DMD: variants seen among roughly 807,000 people sequenced by gnomAD.
DMD encodes dystrophin, also known as mutant dystrophin.
In DMD, 63 loss-of-function variants were observed where a neutral mutation model predicts 330.1. That is an observed-to-expected ratio of 0.19 (90% CI 0.16 to 0.24). The LOEUF is 0.24. DMD is among the 10% of genes least tolerant of loss of function. DMD has a pLI of 1.00. For missense variants in DMD, 3,344 were observed against 2,684.1 expected (o/e 1.25, Z -5.43); for synonymous variants, 1,223 against 959.8 (o/e 1.27, Z -5.07).
intron 48 of DMD, among the ~76,000 whole-genome samples, chrX:31,844,148 C>A (rs746638858): frequency 2.3e-4 from 26 of 111,988 alleles, no homozygotes; most frequent in African/African-American, 8.4e-4. Flanking sequence ...CGTGAGCCAC[C>A]GCACCTGGCT....
chrX:32,605,933 G>T (rs5928042), intron 12 of DMD, among the ~76,000 whole-genome samples: 1 of 108,538 alleles, frequency 9.2e-6, no homozygotes. Context: ...GTATTTGTGG[G>T]GTACATGAGA....
At chrX:32,738,012 A>G (rs2068746500) in intron 7 of DMD, among the ~76,000 whole-genome samples, 1 of 111,892 alleles carries the variant, frequency 8.9e-6, no homozygotes, top group South Asian at 3.7e-4. Flanking sequence ...TTGATACCAT[A>G]TAAATTGGGT....
chrX:32,853,672 GCCACAAAACAA>G (rs2081307433), intron 2 of DMD, among the ~76,000 whole-genome samples: 1 of 104,754 alleles, frequency 9.5e-6, no homozygotes, highest in African/African-American at 3.5e-5. Flanking sequence ...GGAAGAGAAA[GCCACAAAACAA>G]CCAGAAAACA....
chrX:31,215,066 C>T (rs2045259622), intron 64 of DMD, among the ~76,000 whole-genome samples: 1 of 103,468 alleles, frequency 9.7e-6, no homozygotes, highest in Non-Finnish European at 2.0e-5. Flanking sequence ...CTCAGACTCC[C>T]GAGTAGCTGG....
At chrX:32,547,342 T>C (rs181553285) in intron 16 of DMD, among the ~76,000 whole-genome samples, 1 of 111,055 alleles carries the variant, frequency 9.0e-6, no homozygotes, top group Non-Finnish European at 1.9e-5. Context: ...TAAAGGGAAA[T>C]GACAACATGA....
At chrX:32,242,192 T>A (rs1210272695) in intron 43 of DMD, among the ~76,000 whole-genome samples, 2 of 112,021 alleles carry the variant, frequency 1.8e-5, no homozygotes, top group Admixed American at 1.9e-4. Flanking sequence ...GTCTGGTGTG[T>A]GGCCTATGTA....
At chrX:31,678,587 T>C (rs993055304) in intron 53 of DMD, among the ~76,000 whole-genome samples, 12 of 111,421 alleles carry the variant, frequency 1.1e-4, no homozygotes, top group African/African-American at 3.6e-4. Flanking sequence ...TTTGAGGAAA[T>C]TTCAGAGGAA....
intron 12 of DMD, among the ~76,000 whole-genome samples, chrX:32,603,322 G>A (rs1002482560): frequency 1.8e-5 from 2 of 111,115 alleles, no homozygotes; most frequent in African/African-American, 6.5e-5. Flanking sequence ...AATAAAAAGA[G>A]ACATACAACA....
At chrX:32,210,580 G>A (rs1214766823) in intron 44 of DMD, among the ~76,000 whole-genome samples, 1 of 111,590 alleles carries the variant, frequency 9.0e-6, no homozygotes, top group Non-Finnish European at 1.9e-5. Flanking sequence ...TACATCATAT[G>A]CCTTTTTCTA....
intron 11 of DMD, among the ~76,000 whole-genome samples, chrX:32,621,358 G>A (rs2057973906): frequency 9.0e-6 from 1 of 111,336 alleles, no homozygotes; most frequent in Admixed American, 9.5e-5. Context: ...GAGATTTCTT[G>A]AGCTCTGCCC....
At chrX:33,237,712 T>G (rs1029812053) in intron 1 of DMD, among the ~76,000 whole-genome samples, 1 of 112,313 alleles carries the variant, frequency 8.9e-6, no homozygotes, top group Non-Finnish European at 1.9e-5. Context: ...AAAACCTTAC[T>G]GTTCTCATTT....
intron 43 of DMD, among the ~76,000 whole-genome samples, chrX:32,243,363 A>G (rs902508239): frequency 8.9e-6 from 1 of 111,846 alleles, no homozygotes; most frequent in Non-Finnish European, 1.9e-5. Context: ...AACCTAAGGA[A>G]CAAACTCTCC....
At chrX:32,625,303 G>C (rs1348493960) in intron 11 of DMD, among the ~76,000 whole-genome samples, 1 of 111,988 alleles carries the variant, frequency 8.9e-6, no homozygotes, top group East Asian at 2.8e-4. Flanking sequence ...AGTCAGGTGG[G>C]AATAATGAAC....
chrX:32,984,521 C>A (rs1345504223), intron 2 of DMD, among the ~76,000 whole-genome samples: 1 of 111,782 alleles, frequency 8.9e-6, no homozygotes, highest in Admixed American at 9.5e-5. Context: ...GCCCAAAGTG[C>A]TGGGATTGTA....
At chrX:32,758,576 T>G (rs904749916) in intron 7 of DMD, among the ~76,000 whole-genome samples, 3 of 111,563 alleles carry the variant, frequency 2.7e-5, no homozygotes, top group African/African-American at 9.8e-5. Context: ...CCAAGACTCT[T>G]GAGTTCCTGT....
At chrX:32,504,865 T>G (rs1349533714) in intron 18 of DMD, among the ~76,000 whole-genome samples, 1 of 110,312 alleles carries the variant, frequency 9.1e-6, no homozygotes, top group Non-Finnish European at 1.9e-5. Context: ...AACCTGCACA[T>G]TTACTCTTGA....
At chrX:32,392,619 T>C (rs929705333) in intron 30 of DMD, among the ~76,000 whole-genome samples, 5 of 111,815 alleles carry the variant, frequency 4.5e-5, no homozygotes, top group African/African-American at 6.5e-5. Context: ...ATGCTCCTCT[T>C]ACCACTCCCT....
In DMD at chrX:32,644,979, C is replaced by T. The variant is rs777947212; in HGVS notation, c.1134G>A (p.Gln378=). ...TTTAGTTTACCTCATGAGTATGAAA[C>T]TGGTCTTTCACCACTTCCACATCAT... ...ISNDVEVVKD[Q]FHTHEGYMMD... is the part of the protein sequence containing the mutation. The change falls in exon 10 of 79, where the codon CAG becomes CAA. Residue 378 remains glutamine (Q), a synonymous_variant. Transcript: ENST00000357033. 1 of 1,209,662 alleles carries T rather than the reference C, an allele frequency of 8.3e-7. No individual in the cohort carries two copies. The highest frequency in any genetic ancestry group is 1.8e-5 in the South Asian group (1 of 56,820).
intron 4 of DMD, 123 bp from the exon 5 acceptor site, chrX:32,823,510 T>A (rs755896102): frequency 3.5e-5 from 18 of 507,323 alleles, no homozygotes; most frequent in Non-Finnish European, 5.4e-5. Context: ...GCATTGAAGC[T>A]TTTTGAAAAT....
Sources: gnomAD v4.1 joint callset for allele counts (sites outside exome capture counted in the v4.1 genomes callset) on GRCh38, gnomAD v4.1.1 for gene constraint, MANE v1.5 for transcripts, NCBI Gene and HGNC (gene_info 2026-07-23, HGNC 2026-07-21) for gene names.